GUCA1C: variants seen among roughly 807,000 people sequenced by gnomAD.
The protein encoded by GUCA1C is guanylyl cyclase-activating protein 3.
In GUCA1C, 15 loss-of-function variants were observed where a neutral mutation model predicts 16.2. The observed-to-expected ratio is 0.93, with a 90% CI of 0.62 to 1.43. The LOEUF is 1.43. GUCA1C is among the 40% of genes most tolerant of loss of function. The pLI is 0.00. For missense variants in GUCA1C, 275 were observed against 244.8 expected, an observed-to-expected ratio of 1.12 and a Z score of -0.82; for synonymous variants, 78 against 85.4, an observed-to-expected ratio of 0.91 and a Z score of 0.48.
intron 1 of GUCA1C, among the ~76,000 whole-genome samples, chr3:108,948,816 C>T (rs1395742805): frequency 1.3e-5 from 2 of 150,924 alleles, no homozygotes; most frequent in Admixed American, 1.3e-4. Flanking sequence ...TGTGCTGGGC[C>T]TTGTGAAACT....
At chr3:108,929,021 C>G (rs1038075664) in intron 1 of GUCA1C, among the ~76,000 whole-genome samples, 3 of 152,168 alleles carry the variant, frequency 2.0e-5, no homozygotes, top group Non-Finnish European at 4.4e-5. Context: ...TACAGATCAA[C>G]TTGGGAAGAA....
At chr3:108,913,989 C>G (rs182837253) in intron 3 of GUCA1C, among the ~76,000 whole-genome samples, 6 of 152,072 alleles carry the variant, frequency 3.9e-5, no homozygotes, top group South Asian at 2.1e-4. Flanking sequence ...TTGCTTGAAC[C>G]CAGGAGGCGG....
chr3:108,918,018 C>T (rs1321603955), intron 2 of GUCA1C, among the ~76,000 whole-genome samples: 2 of 152,154 alleles, frequency 1.3e-5, no homozygotes, highest in African/African-American at 4.8e-5. Context: ...GCACTCCAGC[C>T]TGGGTGACAG....
In GUCA1C at chr3:108,920,609, GA is replaced by G. The variant is rs764698088; in HGVS notation, c.205-25del. ...TCCTATGGAAAGTAAGATGAAAAGA[GA>G]AATAAATATTTAAGAAGAATAATTG... On this transcript the variant is annotated intron_variant, in intron 1 of 3. Transcript: ENST00000261047. The G allele has an allele frequency of 4.6e-6, 6 of 1,300,434 alleles. No individual in the cohort carries two copies. In the Admixed American group the frequency reaches 5.5e-5, roughly 12 times the overall value. The allele number at this position is 1,300,434 out of a possible 1,614,324, so 80.6% of individuals were successfully genotyped here. A position where few individuals can be genotyped will look rare whatever the true frequency, so the allele number is the denominator to read the frequency against.
intron 3 of GUCA1C, among the ~76,000 whole-genome samples, chr3:108,913,196 A>G (rs1434869070): frequency 1.3e-5 from 2 of 150,476 alleles, no homozygotes; most frequent in Non-Finnish European, 3.0e-5. Context: ...TATTATCGGC[A>G]TAATGATGTG....
intron 1 of GUCA1C, among the ~76,000 whole-genome samples, chr3:108,941,709 G>A (rs1397712552): frequency 6.6e-6 from 1 of 152,120 alleles, no homozygotes; most frequent in Non-Finnish European, 1.5e-5. Context: ...TGGCCCTGAG[G>A]GCCATTTATT....
intron 1 of GUCA1C, among the ~76,000 whole-genome samples, chr3:108,935,507 G>A (rs1946717340): frequency 6.6e-6 from 1 of 151,826 alleles, no homozygotes; most frequent in East Asian, 2.0e-4. Context: ...TGGCTAACGT[G>A]GTGAAACCAC....
chr3:108,933,288 G>A (rs1946689801), intron 1 of GUCA1C, among the ~76,000 whole-genome samples: 1 of 152,162 alleles, frequency 6.6e-6, no homozygotes, highest in Non-Finnish European at 1.5e-5. Flanking sequence ...CCATTCTAGT[G>A]AGGCTCAGGA....
At chr3:108,918,081 G>A (rs1315644373) in intron 2 of GUCA1C, among the ~76,000 whole-genome samples, 1 of 152,156 alleles carries the variant, frequency 6.6e-6, no homozygotes, top group Non-Finnish European at 1.5e-5. Context: ...CCGCACAATT[G>A]CCATTTTTAG....
chr3:108,939,323 G>GCTTT (rs1946761109), intron 1 of GUCA1C, among the ~76,000 whole-genome samples: 1 of 33,226 alleles, frequency 3.0e-5, no homozygotes, highest in Non-Finnish European at 7.9e-5. Flanking sequence ...TTGCTTCAAG[G>GCTTT]CTTTTTTTTT....
intron 3 of GUCA1C, among the ~76,000 whole-genome samples, chr3:108,915,250 C>A (rs1559839958): frequency 6.7e-6 from 1 of 150,346 alleles, no homozygotes; most frequent in Non-Finnish European, 1.5e-5. Context: ...GCATGGTGGG[C>A]AGGTTGATGC....
chr3:108,908,215 A>G lies in GUCA1C; in HGVS notation c.443-6T>C. On this transcript the variant is annotated splice_region_variant and splice_polypyrimidine_tract_variant and intron_variant, in intron 3 of 3. Transcript: ENST00000261047. ...TTCTTCTAAAGTCAATTCCCCTGGA[A>G]AATAATAAACAGTTAATAAGAGGCT... The G allele has an allele frequency of 6.3e-7, 1 of 1,599,298 alleles. No homozygotes were observed. The highest frequency in any genetic ancestry group is 8.6e-7 in the Non-Finnish European group (1 of 1,166,812).
chr3:108,947,174 CTA>C (rs534240973), intron 1 of GUCA1C, among the ~76,000 whole-genome samples: 22 of 152,126 alleles, frequency 1.4e-4, no homozygotes, highest in Non-Finnish European at 3.1e-4. Context: ...CACACTGTTT[CTA>C]TGTTATGTAT....
At chr3:108,918,245 A>G (rs986473308) in intron 2 of GUCA1C, among the ~76,000 whole-genome samples, 1 of 152,126 alleles carries the variant, frequency 6.6e-6, no homozygotes, top group Non-Finnish European at 1.5e-5. Context: ...TGTCCCCTGA[A>G]TAGACAGTAC....
intron 3 of GUCA1C, among the ~76,000 whole-genome samples, chr3:108,914,941 T>C (rs778508780): frequency 2.6e-5 from 4 of 152,110 alleles, no homozygotes; most frequent in Non-Finnish European, 5.9e-5. Context: ...CATTATTTGA[T>C]GTCAGTATAC....
At chr3:108,916,694 T>G (rs1946521207) in intron 2 of GUCA1C, among the ~76,000 whole-genome samples, 1 of 152,176 alleles carries the variant, frequency 6.6e-6, no homozygotes, top group Non-Finnish European at 1.5e-5. Flanking sequence ...AATGATTGAC[T>G]GGGGAGACAG....
At chr3:108,945,804 G>C (rs1323420469) in intron 1 of GUCA1C, among the ~76,000 whole-genome samples, 2 of 152,050 alleles carry the variant, frequency 1.3e-5, no homozygotes, top group Non-Finnish European at 2.9e-5. Context: ...CTTATATCTT[G>C]ATTTATTAAT....
intron 1 of GUCA1C, among the ~76,000 whole-genome samples, chr3:108,923,271 T>C (rs919778110): frequency 9.2e-5 from 14 of 152,210 alleles, no homozygotes; most frequent in African/African-American, 3.1e-4. Flanking sequence ...GTTTTTCTAG[T>C]GTTATCTTCT....
At chr3:108,921,634 A>G (rs1179844790) in intron 1 of GUCA1C, among the ~76,000 whole-genome samples, 2 of 152,110 alleles carry the variant, frequency 1.3e-5, no homozygotes, top group Non-Finnish European at 2.9e-5. Flanking sequence ...GGCCATTCTA[A>G]TAGGTGTGTA....
Sources: allele counts gnomAD v4.1 joint callset (sites outside exome capture counted in the v4.1 genomes callset), GRCh38; gene constraint gnomAD v4.1.1; transcripts MANE v1.5; gene names NCBI Gene and HGNC (gene_info 2026-07-23, HGNC 2026-07-21).